Variants in RASGEF1C observed in about 807,000 individuals in gnomAD.
RASGEF1C encodes the protein ras-GEF domain-containing family member 1C.
In RASGEF1C, 27 loss-of-function variants were observed where a neutral mutation model predicts 58.1. The observed-to-expected ratio is 0.46, with a 90% CI of 0.34 to 0.64. The LOEUF is 0.64. RASGEF1C is among the 30% of genes least tolerant of loss of function. The probability of loss-of-function intolerance (pLI) is 0.01; values close to 1 mark genes in which losing one functional copy is unlikely to be tolerated. For missense variants in RASGEF1C, 502 were observed against 605.1 expected, an observed-to-expected ratio of 0.83 and a Z score of 1.79; for synonymous variants, 243 against 246.3, an observed-to-expected ratio of 0.99 and a Z score of 0.13.
chr5:180,209,110 CCCG>C lies in RASGEF1C; in HGVS notation c.-92_-90del, dbSNP rs768278930. On this transcript the variant is annotated 5_prime_UTR_variant, in exon 1 of 14. Coordinates refer to ENST00000361132, the MANE Select transcript of RASGEF1C (RefSeq NM_175062.4). Reference sequence around the variant, plus strand: ...CTCGGCGCCGCGGACCGGGGCGCCGCCCGCCGCCGCCGCCGCCGCCGCCGCCGC... The same window carrying C: ...CTCGGCGCCGCGGACCGGGGCGCCGCCCGCCGCCGCCGCCGCCGCCGCCGC... 0.027 allele frequency: 3,957 copies of C among 144,622 alleles called. 132 individuals are homozygous for C. The highest frequency in any genetic ancestry group is 0.077 in the African/African-American group (3,091 of 40,114). The allele number at this position is 144,622 out of a possible 1,614,324, so 9.0% of individuals were successfully genotyped here.
chr5:180,208,346 G>A (rs1756527605), intron 1 of RASGEF1C, among the ~76,000 whole-genome samples: 1 of 152,126 alleles, frequency 6.6e-6, no homozygotes, highest in African/African-American at 2.4e-5. Flanking sequence ...CTTTCCCACA[G>A]TTTCCCACGC....
At chr5:180,138,989 G>T (rs764565854) in intron 1 of RASGEF1C, among the ~76,000 whole-genome samples, 20 of 152,158 alleles carry the variant, frequency 1.3e-4, no homozygotes, top group Non-Finnish European at 2.8e-4. Context: ...TGTCAGCCTT[G>T]TTGGGTGCCT....
chr5:180,174,548 GCGTGTGTCTGTGTGTGCA>G (rs1201894514), intron 1 of RASGEF1C, among the ~76,000 whole-genome samples: 169 of 124,352 alleles, frequency 1.4e-3, no homozygotes, highest in Non-Finnish European at 2.1e-3. Flanking sequence ...GTGCGTGTGT[GCGTGTGTCTGTGTGTGCA>G]CGTGTGTCTG....
intron 8 of RASGEF1C, 137 bp from the exon 9 acceptor site, chr5:180,119,003 G>T: frequency 1.3e-6 from 1 of 768,710 alleles, no homozygotes; most frequent in Non-Finnish European, 2.2e-6. Context: ...GTGGGTGAGG[G>T]GGTGCTGGTG....
intron 1 of RASGEF1C, among the ~76,000 whole-genome samples, chr5:180,207,728 G>A (rs1223325872): frequency 6.6e-6 from 1 of 152,156 alleles, no homozygotes; most frequent in Non-Finnish European, 1.5e-5. Context: ...TGCCCAGGAC[G>A]TCCAGACCCT....
chr5:180,126,280 G>A lies in RASGEF1C; in HGVS notation c.714+1329C>T, dbSNP rs968899835. 3.9e-5 allele frequency among the ~76,000 whole-genome samples: 6 copies of A among 152,174 alleles called. No individual in the cohort carries two copies. The South Asian group carries it at 6.2e-4, about 16-fold the overall frequency. ...AAATTAGCCGGGTGTTGTGGTGGGC[G>A]CCTGTAGTCCCAGCTATTGGGGAGG... On this transcript the variant is annotated intron_variant, in intron 6 of 13. Coordinates refer to ENST00000361132, the MANE Select transcript of RASGEF1C (RefSeq NM_175062.4).
chr5:180,174,464 CTG>C lies in RASGEF1C; in HGVS notation c.-7+34562_-7+34563del, dbSNP rs556335321. Among the ~76,000 whole-genome samples, 125 of 141,076 alleles carry C rather than the reference CTG, an allele frequency of 8.9e-4. No homozygotes were observed. The Middle Eastern group carries it at 0.011, about 12-fold the overall frequency. The allele number at this position is 141,076 out of a possible 152,430, so 92.6% of individuals were successfully genotyped here. On this transcript the variant is annotated intron_variant, in intron 1 of 13. Coordinates refer to ENST00000361132, the MANE Select transcript of RASGEF1C (RefSeq NM_175062.4). ...TCTGTGCATGTGCGTGTGTGCATGTCTGTGTGTATGTGTGTCTGTGTGTGCGC... is the reference window on the plus strand; with the variant it reads ...TCTGTGCATGTGCGTGTGTGCATGTCTGTGTATGTGTGTCTGTGTGTGCGC...
At chr5:180,195,719 A>G (rs999477024) in intron 1 of RASGEF1C, among the ~76,000 whole-genome samples, 22 of 151,778 alleles carry the variant, frequency 1.4e-4, no homozygotes, top group Middle Eastern at 3.4e-3. Context: ...CCGAGATCAC[A>G]CCACTACTGC....
chr5:180,209,113 GCC>G lies in RASGEF1C; in HGVS notation c.-94_-93del, dbSNP rs1756553945. On this transcript the variant is annotated 5_prime_UTR_variant, in exon 1 of 14. Transcript: ENST00000361132. ...GGCGCCGCGGACCGGGGCGCCGCCC[GCC>G]GCCGCCGCCGCCGCCGCCGCCGCCG... 1 of 702 alleles carries G rather than the reference GCC, an allele frequency of 1.4e-3. No individual in the cohort carries two copies. The highest frequency in any genetic ancestry group is 4.3e-3 in the Non-Finnish European group (1 of 230). The allele number at this position is 702 out of a possible 1,614,324, so 0.0% of individuals were successfully genotyped here.
chr5:180,171,843 C>T (rs1255061796), intron 1 of RASGEF1C, among the ~76,000 whole-genome samples: 6 of 152,290 alleles, frequency 3.9e-5, no homozygotes, highest in East Asian at 1.9e-4. Flanking sequence ...AGGGCCAGGA[C>T]CTGCTCGGCA....
At chr5:180,172,293 C>T (rs1204309535) in intron 1 of RASGEF1C, among the ~76,000 whole-genome samples, 3 of 151,798 alleles carry the variant, frequency 2.0e-5, no homozygotes, top group Non-Finnish European at 4.4e-5. Flanking sequence ...CCTGCTCCCC[C>T]AGCCCTTAGA....
chr5:180,129,169 G>A (rs796467057), intron 4 of RASGEF1C, among the ~76,000 whole-genome samples: 3 of 152,280 alleles, frequency 2.0e-5, no homozygotes, highest in South Asian at 2.1e-4. Context: ...CAGTGGCTGC[G>A]CCCCACTCCC....
intron 1 of RASGEF1C, among the ~76,000 whole-genome samples, chr5:180,181,958 C>T (rs1431022010): frequency 3.3e-5 from 5 of 151,246 alleles, no homozygotes; most frequent in African/African-American, 9.7e-5. Flanking sequence ...AATCCTAGCA[C>T]TTTGGGAGGC....
intron 1 of RASGEF1C, among the ~76,000 whole-genome samples, chr5:180,181,360 T>C (rs11749727): frequency 0.31 from 47,710 of 152,204 alleles, 8,676 homozygotes; most frequent in South Asian, 0.44. Flanking sequence ...TCGGTTGGAC[T>C]GAGTCCCTCC....
intron 1 of RASGEF1C, among the ~76,000 whole-genome samples, chr5:180,178,209 G>C (rs960675230): frequency 2.1e-5 from 3 of 141,478 alleles, no homozygotes; most frequent in Non-Finnish European, 4.5e-5. Flanking sequence ...ATCTGGCCTC[G>C]TGATCTGCTT....
At chr5:180,207,761 G>A (rs970470884) in intron 1 of RASGEF1C, among the ~76,000 whole-genome samples, 2 of 152,064 alleles carry the variant, frequency 1.3e-5, no homozygotes, top group African/African-American at 4.8e-5. Context: ...CTCCAGCTCC[G>A]CCCCCTCCTG....
chr5:180,158,858 C>G lies in RASGEF1C; in HGVS notation c.-6-20800G>C, dbSNP rs1419135490. Among the ~76,000 whole-genome samples, 2 of 152,130 alleles carry G rather than the reference C, an allele frequency of 1.3e-5. No individual in the cohort carries two copies. Among genetic ancestry groups the G allele is most frequent in the Non-Finnish European group, 2.9e-5 (2 of 68,026 alleles). On this transcript the variant is annotated intron_variant, in intron 1 of 13. Transcript: ENST00000361132. This position sits in a 1 kb window ranked among gnomAD's most constrained non-coding sequence, Gnocchi z 4.0. The stretch of plus-strand genomic sequence containing the variant: ...GATGGTTTCCTCTCCTTCATTTTCT[C>G]TGTCTAGAATTCTTAGCACTCATTT...
At chr5:180,107,198 C>G (rs1182630821) in intron 12 of RASGEF1C, among the ~76,000 whole-genome samples, 5 of 152,070 alleles carry the variant, frequency 3.3e-5, no homozygotes, top group African/African-American at 1.2e-4. Context: ...ATAGTTGGAT[C>G]ATTTTAAAAA....
intron 1 of RASGEF1C, among the ~76,000 whole-genome samples, chr5:180,151,986 T>C (rs371792684): frequency 0.073 from 9,940 of 135,858 alleles, 608 homozygotes; most frequent in Non-Finnish European, 0.1. Flanking sequence ...CATCACTGGC[T>C]ATCAGAGAAA....
Sources: gnomAD v4.1 joint callset for allele counts (sites outside exome capture counted in the v4.1 genomes callset) on GRCh38, gnomAD v4.1.1 for gene constraint, Gnocchi (gnomAD v3.1) non-coding constraint, MANE v1.5 for transcripts, NCBI Gene and HGNC (gene_info 2026-07-23, HGNC 2026-07-21) for gene names.